Variants in WDR25 observed in about 807,000 individuals in gnomAD.
WDR25 encodes the protein WD repeat-containing protein 25.
In WDR25, 35 loss-of-function variants were observed where a neutral mutation model predicts 47.7. The observed-to-expected ratio is 0.73, with a 90% CI of 0.56 to 0.97. The LOEUF (loss-of-function observed/expected upper bound fraction) is 0.97. Ranked by LOEUF, WDR25 falls within the 50% of genes least tolerant of loss-of-function variation. The pLI is 0.00. For synonymous variants in WDR25, 248 were observed against 278.9 expected (o/e 0.89, Z 1.10); for missense variants, 634 against 704.7 (o/e 0.90, Z 1.14).
intron 2 of WDR25, among the ~76,000 whole-genome samples, chr14:100,451,746 G>A (rs1221265457): frequency 6.6e-6 from 1 of 152,158 alleles, no homozygotes; most frequent in Non-Finnish European, 1.5e-5. Flanking sequence ...AGATAAAGAG[G>A]TCATACAGTC....
rs547762260 is a variant in WDR25 at position 100,404,321 on chromosome 14, G to A, written c.822+22575G>A. Reference sequence around the variant, plus strand: ...GTCTATGTTCGTTCCACTCTCCCACGCCAGCCCGTAAGTGTAAAGCAGATG... The same window carrying A: ...GTCTATGTTCGTTCCACTCTCCCACACCAGCCCGTAAGTGTAAAGCAGATG... On this transcript the variant is annotated intron_variant, in intron 2 of 6. Coordinates refer to ENST00000402312, the MANE Select transcript of WDR25 (RefSeq NM_001161476.3). The surrounding 1 kb of genome is among the most constrained non-coding windows in gnomAD (Gnocchi z 4.6). 9.8e-4 allele frequency among the ~76,000 whole-genome samples: 149 copies of A among 152,316 alleles called. No homozygotes were observed. Among genetic ancestry groups the A allele is most frequent in the Non-Finnish European group, 1.7e-3 (113 of 68,036 alleles).
chr14:100,429,789 GGT>G (rs971684207), intron 2 of WDR25, among the ~76,000 whole-genome samples: 3 of 152,108 alleles, frequency 2.0e-5, no homozygotes, highest in African/African-American at 4.8e-5. Context: ...GCCTTTCCTT[GGT>G]GTGTGCGTGC....
chr14:100,457,234 C>T (rs576355722), intron 2 of WDR25, among the ~76,000 whole-genome samples: 4 of 152,242 alleles, frequency 2.6e-5, no homozygotes, highest in East Asian at 3.9e-4. Context: ...GGATTACAGG[C>T]GTGAGCCACC....
intron 2 of WDR25, among the ~76,000 whole-genome samples, chr14:100,460,967 C>A (rs1474620252): frequency 6.6e-6 from 1 of 152,156 alleles, no homozygotes; most frequent in African/African-American, 2.4e-5. Context: ...GTAATCCAGC[C>A]TTTGGGAAGC....
intron 2 of WDR25, among the ~76,000 whole-genome samples, chr14:100,393,524 C>A (rs550488118): frequency 1.7e-4 from 26 of 152,208 alleles, no homozygotes; most frequent in African/African-American, 6.3e-4. Context: ...CAGGTGCTGG[C>A]AGGGCTGCTG....
At chr14:100,388,092 C>G (rs963783350) in intron 2 of WDR25, among the ~76,000 whole-genome samples, 1 of 152,146 alleles carries the variant, frequency 6.6e-6, no homozygotes, top group Non-Finnish European at 1.5e-5. Context: ...ATGGATTTTA[C>G]AAAATGAGAT....
chr14:100,469,873 A>T, intron 3 of WDR25, among the ~76,000 whole-genome samples: 1 of 152,232 alleles, frequency 6.6e-6, no homozygotes, highest in East Asian at 1.9e-4. Flanking sequence ...TAGGCCCCAA[A>T]GCCTGCTGCC....
intron 2 of WDR25, among the ~76,000 whole-genome samples, chr14:100,438,885 G>T (rs148755386): frequency 7.2e-5 from 11 of 152,266 alleles, no homozygotes; most frequent in Non-Finnish European, 1.3e-4. Flanking sequence ...GTAAGAGGCA[G>T]AGCTGGGATT....
At chr14:100,408,383 C>T (rs1031513065) in intron 2 of WDR25, among the ~76,000 whole-genome samples, 12 of 152,156 alleles carry the variant, frequency 7.9e-5, no homozygotes, top group South Asian at 2.1e-4. Context: ...ACTTAATTTA[C>T]ATATATTGAG....
At position 100,426,419 on chromosome 14, in the gene WDR25, G is replaced by A. The variant is rs542755985; in HGVS notation, c.823-41602G>A. On this transcript the variant is annotated intron_variant, in intron 2 of 6. Coordinates refer to ENST00000402312, the MANE Select transcript of WDR25 (RefSeq NM_001161476.3). ...AACAAGTTATAAATTTGTGTTCCAA[G>A]TTCTCTGAAGAAAGCATGAATCTTC... Among the ~76,000 whole-genome samples the A allele has an allele frequency of 2.0e-5, 3 of 152,352 alleles. No homozygotes were observed. The East Asian group carries it at 5.8e-4, about 29-fold the overall frequency.
intron 2 of WDR25, among the ~76,000 whole-genome samples, chr14:100,396,363 A>G (rs1280824477): frequency 1.3e-5 from 2 of 152,246 alleles, no homozygotes; most frequent in Non-Finnish European, 2.9e-5. Context: ...TCTTAAATCC[A>G]GAAAGGACTT....
chr14:100,421,809 CTG>C (rs1566902437), intron 2 of WDR25, among the ~76,000 whole-genome samples: 1 of 152,200 alleles, frequency 6.6e-6, no homozygotes, highest in African/African-American at 2.4e-5. Flanking sequence ...TTATTACACT[CTG>C]TGGTTTTTTG....
At position 100,403,888 on chromosome 14, in the gene WDR25, C is replaced by T. The variant is rs1339922551; in HGVS notation, c.822+22142C>T. Among the ~76,000 whole-genome samples, 5 of 152,124 alleles carry T rather than the reference C, an allele frequency of 3.3e-5. No individual in the cohort carries two copies. The East Asian group carries it at 7.7e-4, about 23-fold the overall frequency. On this transcript the variant is annotated intron_variant, in intron 2 of 6. Coordinates refer to ENST00000402312, the MANE Select transcript of WDR25 (RefSeq NM_001161476.3). ...TCCAGTTTGCTTGGCTGGCAGCTTC[C>T]GGGGAATAAGAATGGATGATGGACC...
intron 2 of WDR25, among the ~76,000 whole-genome samples, chr14:100,418,640 A>G (rs965161369): frequency 1.3e-5 from 2 of 151,770 alleles, no homozygotes; most frequent in Non-Finnish European, 2.9e-5. Flanking sequence ...CGTCTCAAAA[A>G]AAAAAAAAAG....
intron 4 of WDR25, among the ~76,000 whole-genome samples, chr14:100,515,798 T>A (rs926141451): frequency 2.7e-5 from 4 of 149,878 alleles, no homozygotes; most frequent in African/African-American, 9.8e-5. Flanking sequence ...GCTTTTTTTT[T>A]TTTTTTTTTT....
intron 2 of WDR25, among the ~76,000 whole-genome samples, chr14:100,393,514 C>T (rs1897188311): frequency 6.6e-6 from 1 of 152,144 alleles, no homozygotes; most frequent in East Asian, 1.9e-4. Context: ...TGGCTGTCAT[C>T]AGGTGCTGGC....
At chr14:100,435,654 C>G (rs568467856) in intron 2 of WDR25, among the ~76,000 whole-genome samples, 1 of 150,994 alleles carries the variant, frequency 6.6e-6, no homozygotes, top group Admixed American at 6.6e-5. Flanking sequence ...CATTCATTCA[C>G]TCAATCATTC....
Position 100,407,917 on chromosome 14 carries a change from C to T in WDR25, c.822+26171C>T, listed in dbSNP as rs1486163873. On this transcript the variant is annotated intron_variant, in intron 2 of 6. Coordinates refer to ENST00000402312, the MANE Select transcript of WDR25 (RefSeq NM_001161476.3). The surrounding 1 kb of genome is among the most constrained non-coding windows in gnomAD (Gnocchi z 4.1). ...GTCACAGTGAGCTGTGGGAATGACC[C>T]TTGACTCCTATCCTGATGGGAGTGG... is the stretch of plus-strand genomic sequence containing the variant. Among the ~76,000 whole-genome samples the T allele has an allele frequency of 6.6e-6, 1 of 152,164 alleles. No homozygotes were observed. Among genetic ancestry groups the T allele is most frequent in the Non-Finnish European group, 1.5e-5 (1 of 68,034 alleles).
chr14:100,377,903 T>A (rs932585318), intron 1 of WDR25, among the ~76,000 whole-genome samples: 1 of 152,152 alleles, frequency 6.6e-6, no homozygotes, highest in Non-Finnish European at 1.5e-5. Context: ...GATGCTGACC[T>A]GACTCCACCT....
Sources: gnomAD v4.1 joint callset for allele counts (sites outside exome capture counted in the v4.1 genomes callset) on GRCh38, gnomAD v4.1.1 for gene constraint, Gnocchi (gnomAD v3.1) non-coding constraint, MANE v1.5 for transcripts, NCBI Gene and HGNC (gene_info 2026-07-23, HGNC 2026-07-21) for gene names.